Variants in SUSD5 observed in about 807,000 individuals in gnomAD.
SUSD5 encodes sushi domain containing 5.
SUSD5 carries 33 observed loss-of-function variants against 29.5 expected under a neutral mutation model. The ratio of observed to expected loss-of-function variants is 1.12; its 90% CI spans 0.85 to 1.49. The LOEUF is 1.49. Ranked by LOEUF, SUSD5 falls within the 40% of genes most tolerant of loss-of-function variation. The pLI is 0.00. For synonymous variants in SUSD5, 308 were observed against 325.3 expected (o/e 0.95, Z 0.57); for missense variants, 776 against 800.6 (o/e 0.97, Z 0.37).
Position 33,153,104 on chromosome 3 carries a change from T to C in SUSD5, c.1528A>G (p.Ile510Val), listed in dbSNP as rs201139564. 120 of 1,613,844 alleles carry C rather than the reference T, an allele frequency of 7.4e-5. No individual in the cohort carries two copies. The African/African-American group carries it at 1.5e-3, about 20-fold the overall frequency. ...VNTVKQTPNH[I>V]PSTIMATTQP... ...GTGGTTGCCATGATCGTTGAGGGGA[T>C]GTGGTTAGGTGTCTGCTTGACAGTG... The change falls in exon 5 of 5, where the codon ATC becomes GTC. Residue 510 changes from isoleucine to valine, a missense_variant. Physicochemically the swap from Ile to Val is conservative, Grantham distance 29. Transcript: ENST00000309558.
At chr3:33,154,610 C>A (rs960816637) in intron 4 of SUSD5, among the ~76,000 whole-genome samples, 4 of 152,024 alleles carry the variant, frequency 2.6e-5, no homozygotes, top group Non-Finnish European at 4.4e-5. Flanking sequence ...TAAATATAAA[C>A]ATCAATTGTA....
chr3:33,180,539 T>G (rs551158852), intron 3 of SUSD5, among the ~76,000 whole-genome samples: 2 of 152,182 alleles, frequency 1.3e-5, no homozygotes, highest in African/African-American at 4.8e-5. Context: ...TAAAAAAATT[T>G]TTTTTGGCCA....
Position 33,154,012 on chromosome 3 carries a change from T to G in SUSD5, c.620A>C (p.Asp207Ala), listed in dbSNP as rs1489583125. The change falls in exon 5 of 5, where the codon GAC becomes GCC. Residue 207 changes from aspartate to alanine, a missense_variant. Transcript: ENST00000309558. ...CGKDEAEAHI[D>A]YEDNFPDDRS... ...GTCATCAGGGAAGTTATCTTCATAG[T>G]CAATGTGTGCCTCAGCCTCATCTGG... 1 of 1,599,694 alleles carries G rather than the reference T, an allele frequency of 6.3e-7. No homozygotes were observed. The highest frequency in any genetic ancestry group is 8.5e-7 in the Non-Finnish European group (1 of 1,174,920).
chr3:33,177,220 A>C (rs2031571189), intron 3 of SUSD5, among the ~76,000 whole-genome samples: 1 of 152,244 alleles, frequency 6.6e-6, no homozygotes, highest in Non-Finnish European at 1.5e-5. Flanking sequence ...TTAGCATTCC[A>C]ACAATGGAAC....
chr3:33,175,275 T>C (rs573114228), intron 3 of SUSD5, among the ~76,000 whole-genome samples: 1 of 152,222 alleles, frequency 6.6e-6, no homozygotes, highest in Non-Finnish European at 1.5e-5. Flanking sequence ...AAAATACTTG[T>C]TGCGTGAATA....
intron 3 of SUSD5, among the ~76,000 whole-genome samples, chr3:33,187,346 G>A (rs1009945967): frequency 6.6e-6 from 1 of 152,150 alleles, no homozygotes; most frequent in Non-Finnish European, 1.5e-5. Flanking sequence ...CAGGAAAACC[G>A]CAATAATGCT....
At position 33,214,063 on chromosome 3, in the gene SUSD5, A is replaced by G. The variant is rs773244973; in HGVS notation, c.155T>C (p.Leu52Pro). 2.0e-5 allele frequency: 32 copies of G among 1,613,010 alleles called. No homozygotes were observed. Among genetic ancestry groups the G allele is most frequent in the Non-Finnish European group, 2.5e-5 (30 of 1,179,564 alleles). The change falls in exon 2 of 5, where the codon CTA (leucine) becomes CCA (proline). Residue 52 changes from leucine (L) to proline (P), a missense_variant. Transcript: ENST00000309558. The part of the protein sequence containing the change: ...VLESQNGSQG[L>P]QLEAARLSCK... ...GGAAAGCCGAGCAGCCTCCAGTTGTAGGCCCTGAGAGCCATTCTGAGACTC... is the reference window on the plus strand; with the variant it reads ...GGAAAGCCGAGCAGCCTCCAGTTGTGGGCCCTGAGAGCCATTCTGAGACTC...
chr3:33,153,925 C>T lies in SUSD5; in HGVS notation c.707G>A (p.Gly236Asp). Residue 236 changes from glycine to aspartate, a missense_variant, in exon 5 of 5, where the codon GGT becomes GAT. Transcript: ENST00000309558. ...DSRTEADEDR[G>D]QGDSSEEAPK... ...AGCCTCCTCAGAGGAGTCTCCCTGA[C>T]CCCTGTCCTCATCTGCCTCTGTCCG... 1 of 1,613,928 alleles carries T rather than the reference C, an allele frequency of 6.2e-7. No individual in the cohort carries two copies. The highest frequency in any genetic ancestry group is 8.5e-7 in the Non-Finnish European group (1 of 1,179,884).
chr3:33,183,472 C>T (rs1295598698), intron 3 of SUSD5, among the ~76,000 whole-genome samples: 7 of 151,606 alleles, frequency 4.6e-5, no homozygotes, highest in African/African-American at 1.7e-4. Flanking sequence ...TTTACAAGTC[C>T]AACTCCACTT....
chr3:33,208,406 T>G (rs970245833), intron 2 of SUSD5, among the ~76,000 whole-genome samples: 18 of 152,236 alleles, frequency 1.2e-4, no homozygotes, highest in African/African-American at 4.1e-4. Context: ...ATTATAATTT[T>G]TTTCCCATAA....
intron 4 of SUSD5, among the ~76,000 whole-genome samples, chr3:33,172,657 T>G (rs536902655): frequency 6.6e-6 from 1 of 152,244 alleles, no homozygotes; most frequent in African/African-American, 2.4e-5. Context: ...TCTAGAACAT[T>G]GCTCAAACTG....
chr3:33,168,076 T>C (rs2031342532), intron 4 of SUSD5, among the ~76,000 whole-genome samples: 1 of 152,230 alleles, frequency 6.6e-6, no homozygotes, highest in African/African-American at 2.4e-5. Context: ...ACGTCAGGAC[T>C]GAAAAGTGCA....
chr3:33,185,598 C>T (rs976969523), intron 3 of SUSD5, among the ~76,000 whole-genome samples: 6 of 152,218 alleles, frequency 3.9e-5, no homozygotes, highest in African/African-American at 1.4e-4. Context: ...TGTGACCTCA[C>T]TTTGCTGATG....
intron 3 of SUSD5, among the ~76,000 whole-genome samples, chr3:33,177,643 G>A (rs373795168): frequency 6.6e-6 from 1 of 151,924 alleles, no homozygotes; most frequent in African/African-American, 2.4e-5. Context: ...CAAAGTCTTG[G>A]GATTATAGGC....
chr3:33,192,839 T>C (rs1486108469), intron 3 of SUSD5, among the ~76,000 whole-genome samples: 22 of 152,100 alleles, frequency 1.4e-4, no homozygotes, highest in Non-Finnish European at 3.1e-4. Flanking sequence ...TATAATCTAA[T>C]AATTCATTGC....
In SUSD5 at chr3:33,210,971, T is replaced by C. The variant is rs547817108; in HGVS notation, c.290+2957A>G. ...TCACTGCAACCTCTGTCTCCCTGGT[T>C]CAAGCGATTCTCCTGCCTCAGCCTC... On this transcript the variant is annotated intron_variant, in intron 2 of 4. Transcript: ENST00000309558. 6.6e-4 allele frequency among the ~76,000 whole-genome samples: 100 copies of C among 152,212 alleles called. 1 individual carries two copies. Among genetic ancestry groups the C allele is most frequent in the Non-Finnish European group, 1.2e-3 (79 of 68,032 alleles).
chr3:33,192,716 C>A (rs1325274727), intron 3 of SUSD5, among the ~76,000 whole-genome samples: 1 of 151,804 alleles, frequency 6.6e-6, no homozygotes, highest in African/African-American at 2.4e-5. Context: ...GGCTGAGCCA[C>A]GAGAATCTCT....
chr3:33,171,242 G>A (rs990620261), intron 4 of SUSD5, among the ~76,000 whole-genome samples: 1 of 152,096 alleles, frequency 6.6e-6, no homozygotes, highest in Admixed American at 6.6e-5. Context: ...AGCTATTCGG[G>A]AGGCTGAGGC....
At chr3:33,163,531 C>G (rs764485138) in intron 4 of SUSD5, among the ~76,000 whole-genome samples, 2 of 152,118 alleles carry the variant, frequency 1.3e-5, no homozygotes, top group Non-Finnish European at 2.9e-5. Context: ...CTTCCTTAAC[C>G]TGATTTTTAA....
Sources: gnomAD v4.1 joint callset for allele counts (sites outside exome capture counted in the v4.1 genomes callset) on GRCh38, gnomAD v4.1.1 for gene constraint, MANE v1.5 for transcripts, NCBI Gene and HGNC (gene_info 2026-07-23, HGNC 2026-07-21) for gene names.